PCDH7: variants seen among roughly 807,000 people sequenced by gnomAD.
PCDH7 encodes protocadherin-7.
PCDH7 carries 17 observed loss-of-function variants against 58.9 expected under a neutral mutation model. That is an observed-to-expected ratio of 0.29 (90% CI 0.20 to 0.43). The LOEUF is 0.43. Ranked by LOEUF, PCDH7 falls within the 20% of genes least tolerant of loss-of-function variation. The pLI, the probability that PCDH7 is intolerant of heterozygous loss-of-function variation, is 1.00. For synonymous variants in PCDH7, 664 were observed against 616.4 expected (o/e 1.08, Z -1.14); for missense variants, 1,274 against 1,441.0 (o/e 0.88, Z 1.88).
chr4:31,039,963 T>G (rs1206678009), intron 3 of PCDH7, among the ~76,000 whole-genome samples: 1 of 152,200 alleles, frequency 6.6e-6, no homozygotes, highest in African/African-American at 2.4e-5. Flanking sequence ...AAAGGTTATG[T>G]GCGTAGATAC....
intron 1 of PCDH7, among the ~76,000 whole-genome samples, chr4:30,903,279 A>AAG (rs1297230289): frequency 6.6e-6 from 1 of 152,148 alleles, no homozygotes; most frequent in Non-Finnish European, 1.5e-5. Context: ...AGAAAGAAGG[A>AAG]AGGAAGCAAA....
chr4:30,750,413 A>T (rs966236064), intron 1 of PCDH7, among the ~76,000 whole-genome samples: 1 of 152,170 alleles, frequency 6.6e-6, no homozygotes, highest in African/African-American at 2.4e-5. Flanking sequence ...ACAATAAATG[A>T]GAGTGAGAGT....
intron 1 of PCDH7, among the ~76,000 whole-genome samples, chr4:30,814,941 A>G (rs969225204): frequency 6.6e-6 from 1 of 151,984 alleles, no homozygotes; most frequent in Non-Finnish European, 1.5e-5. Flanking sequence ...ATGGGAATGT[A>G]AAAAACAGTG....
intron 2 of PCDH7, among the ~76,000 whole-genome samples, chr4:30,929,777 C>A (rs1002271413): frequency 6.6e-6 from 1 of 152,082 alleles, no homozygotes; most frequent in Non-Finnish European, 1.5e-5. Flanking sequence ...GATCTGAGAG[C>A]GGTATGCATT....
chr4:30,946,690 T>TTTTGTG (rs1553918209), intron 2 of PCDH7, among the ~76,000 whole-genome samples: 4 of 137,554 alleles, frequency 2.9e-5, no homozygotes, highest in African/African-American at 1.1e-4. Flanking sequence ...CTTATCTCTT[T>TTTTGTG]TGTGTGTGTG....
At chr4:30,850,060 C>A (rs1418025236) in intron 1 of PCDH7, among the ~76,000 whole-genome samples, 5 of 152,078 alleles carry the variant, frequency 3.3e-5, no homozygotes. Flanking sequence ...TCTTTTCTTG[C>A]CTTTGTCTTC....
rs1006212202 is a variant in PCDH7, at chr4:30,720,794, A to G, written c.-629A>G. ...CTGCATGAGCAGAGTCGGAGTTGAGACTGGCTTGTTGCTGGCCCCAGCGCC... is the reference window on the plus strand; with the variant it reads ...CTGCATGAGCAGAGTCGGAGTTGAGGCTGGCTTGTTGCTGGCCCCAGCGCC... On this transcript the variant is annotated 5_prime_UTR_variant, in exon 1 of 2. Transcript: ENST00000361762. This position sits in a 1 kb window ranked among gnomAD's most constrained non-coding sequence, Gnocchi z 4.7. The G allele has an allele frequency of 6.5e-6, 1 of 152,690 alleles. No homozygotes were observed. Among genetic ancestry groups the G allele is most frequent in the African/African-American group, 2.4e-5 (1 of 41,398 alleles). 9.5% of individuals were successfully genotyped at this position (152,690 alleles called of 1,614,324 possible).
chr4:30,964,198 A>G (rs186030748), intron 3 of PCDH7, among the ~76,000 whole-genome samples: 126 of 151,960 alleles, frequency 8.3e-4, no homozygotes, highest in Middle Eastern at 3.4e-3. Context: ...GATAGGGTAT[A>G]TTAAGCTTCC....
chr4:30,802,472 G>C (rs1218575712), intron 1 of PCDH7, among the ~76,000 whole-genome samples: 3 of 151,976 alleles, frequency 2.0e-5, no homozygotes, highest in African/African-American at 7.3e-5. Flanking sequence ...GTTAGAGGTT[G>C]AACAGGAAGG....
intron 3 of PCDH7, among the ~76,000 whole-genome samples, chr4:31,026,367 G>T (rs1339863928): frequency 6.6e-6 from 1 of 152,204 alleles, no homozygotes; most frequent in African/African-American, 2.4e-5. Flanking sequence ...CCGAGGCTAT[G>T]ATCTGATCGG....
chr4:30,953,043 AAATTTT>A (rs1208662275), intron 3 of PCDH7, among the ~76,000 whole-genome samples: 2 of 152,300 alleles, frequency 1.3e-5, no homozygotes, highest in Non-Finnish European at 2.9e-5. Context: ...ATTAGTCATG[AAATTTT>A]AAGAGTGGAT....
chr4:30,765,571 A>T (rs1720638104), intron 1 of PCDH7, among the ~76,000 whole-genome samples: 1 of 152,198 alleles, frequency 6.6e-6, no homozygotes, highest in Non-Finnish European at 1.5e-5. Flanking sequence ...GAGTAGACAG[A>T]TAATCTATGG....
intron 3 of PCDH7, among the ~76,000 whole-genome samples, chr4:31,050,282 T>C (rs1395431011): frequency 2.0e-5 from 3 of 152,122 alleles, no homozygotes; most frequent in Admixed American, 2.0e-4. Context: ...ATTTTGGAAT[T>C]GGATGTTGAT....
intron 1 of PCDH7, among the ~76,000 whole-genome samples, chr4:30,741,030 T>A (rs1215994037): frequency 6.6e-6 from 1 of 152,148 alleles, no homozygotes; most frequent in African/African-American, 2.4e-5. Flanking sequence ...GGATGATGCT[T>A]TTCATTGTAG....
At chr4:31,071,402 A>C (rs963763083) in intron 3 of PCDH7, among the ~76,000 whole-genome samples, 2 of 152,060 alleles carry the variant, frequency 1.3e-5, no homozygotes, top group East Asian at 3.9e-4. Flanking sequence ...TAAGAAAAAA[A>C]TCTTTGGTTG....
At chr4:31,074,615 T>G (rs928192958) in intron 3 of PCDH7, among the ~76,000 whole-genome samples, 1 of 151,568 alleles carries the variant, frequency 6.6e-6, no homozygotes, top group African/African-American at 2.4e-5. Flanking sequence ...AAACCCTGTC[T>G]CTACTAAAAA....
chr4:30,848,952 G>T (rs1732352424), intron 1 of PCDH7, among the ~76,000 whole-genome samples: 1 of 151,976 alleles, frequency 6.6e-6, no homozygotes, highest in African/African-American at 2.4e-5. Context: ...ACACTATTGA[G>T]GTTGAACCCT....
At chr4:30,857,288 ACTGT>A in intron 1 of PCDH7, among the ~76,000 whole-genome samples, 1 of 152,064 alleles carries the variant, frequency 6.6e-6, no homozygotes, top group Non-Finnish European at 1.5e-5. Context: ...ACCATTTTAG[ACTGT>A]CTGGATGCTG....
At chr4:30,998,020 G>A (rs1752051017) in intron 3 of PCDH7, among the ~76,000 whole-genome samples, 1 of 152,042 alleles carries the variant, frequency 6.6e-6, no homozygotes, top group African/African-American at 2.4e-5. Flanking sequence ...AGCAAAAGAG[G>A]GAATCAAAGT....
Sources: gnomAD v4.1 joint callset for allele counts (sites outside exome capture counted in the v4.1 genomes callset) on GRCh38, gnomAD v4.1.1 for gene constraint, Gnocchi (gnomAD v3.1) non-coding constraint, MANE v1.5 for transcripts, NCBI Gene and HGNC (gene_info 2026-07-23, HGNC 2026-07-21) for gene names.